IFIH1: variants seen among roughly 807,000 people sequenced by gnomAD.
IFIH1 encodes the protein interferon induced with helicase C domain 1.
IFIH1 carries 125 observed loss-of-function variants against 107.4 expected under a neutral mutation model. That is an observed-to-expected ratio of 1.16 (90% CI 1.01 to 1.35). The LOEUF (loss-of-function observed/expected upper bound fraction) is 1.35. Among genes scored for constraint, IFIH1 ranks in the 40% most tolerant of loss-of-function variants. IFIH1 has a pLI of 0.00. For synonymous variants in IFIH1, 458 were observed against 413.2 expected, an observed-to-expected ratio of 1.11 and a Z score of -1.31; for missense variants, 1,333 against 1,213.7, an observed-to-expected ratio of 1.10 and a Z score of -1.46.
intron 13 of IFIH1, among the ~76,000 whole-genome samples, chr2:162,269,202 A>G (rs1487954047): frequency 6.6e-6 from 1 of 152,218 alleles, no homozygotes; most frequent in African/African-American, 2.4e-5. Context: ...AGTCAATGAC[A>G]TGTAAAAAGC....
chr2:162,267,278 G>A lies in IFIH1; in HGVS notation c.3000C>T (p.Tyr1000=), dbSNP rs151037370. The change falls in exon 16 of 16, where the codon TAC becomes TAT. Residue 1000 remains tyrosine, a synonymous_variant. Coordinates refer to ENST00000649979, the MANE Select transcript of IFIH1 (RefSeq NM_022168.4). ...VFKNNSTKKQ[Y]KKWVELPITF... ...TGATAGGTAATTCTACCCACTTTTT[G>A]TATTGTTTCTTTGTTGAATTATTTT... is the stretch of plus-strand genomic sequence containing the variant. 1.4e-5 allele frequency: 22 copies of A among 1,610,762 alleles called. No homozygotes were observed. The East Asian group carries it at 2.9e-4, about 21-fold the overall frequency.
chr2:162,283,094 G>C (rs891816397), intron 5 of IFIH1, among the ~76,000 whole-genome samples: 3 of 151,842 alleles, frequency 2.0e-5, no homozygotes, highest in Non-Finnish European at 4.4e-5. Context: ...ATCAAGCAGA[G>C]TATTTTACAT....
At chr2:162,295,396 C>T (rs1419942978) in intron 3 of IFIH1, among the ~76,000 whole-genome samples, 1 of 151,840 alleles carries the variant, frequency 6.6e-6, no homozygotes, top group African/African-American at 2.4e-5. Flanking sequence ...CTTTTTATTG[C>T]TGACTAGTAT....
At chr2:162,312,490 G>C (rs968785370) in intron 1 of IFIH1, among the ~76,000 whole-genome samples, 2 of 152,198 alleles carry the variant, frequency 1.3e-5, no homozygotes, top group Non-Finnish European at 2.9e-5. Flanking sequence ...ATCCCAGGCA[G>C]TTGAATTTAG....
chr2:162,305,651 A>G (rs1683269346), intron 3 of IFIH1, among the ~76,000 whole-genome samples: 3 of 152,364 alleles, frequency 2.0e-5, no homozygotes, highest in South Asian at 4.1e-4. Flanking sequence ...GAGTTAGTTT[A>G]TATGGGCTCA....
At chr2:162,301,863 A>G (rs1683198575) in intron 3 of IFIH1, among the ~76,000 whole-genome samples, 1 of 152,240 alleles carries the variant, frequency 6.6e-6, no homozygotes, top group African/African-American at 2.4e-5. Context: ...GCAGAACTAT[A>G]GCATCCAGCA....
rs147801348 is a variant in IFIH1 at position 162,284,571 on chromosome 2, C to T, written c.1096-1995G>A. Among the ~76,000 whole-genome samples, 671 of 151,938 alleles carry T rather than the reference C, an allele frequency of 4.4e-3. 3 individuals are homozygous for T. The highest frequency in any genetic ancestry group is 0.015 in the African/African-American group (624 of 41,480). ...CCAGTGGACTCAGAAGATAAAAGTT[C>T]GTGTCTCATTTCTGCTGTTTCTTGG... On this transcript the variant is annotated intron_variant, in intron 5 of 15. Coordinates refer to ENST00000649979, the MANE Select transcript of IFIH1 (RefSeq NM_022168.4).
At chr2:162,313,351 A>T (rs1330703284) in intron 1 of IFIH1, among the ~76,000 whole-genome samples, 4 of 152,238 alleles carry the variant, frequency 2.6e-5, no homozygotes, top group Non-Finnish European at 5.9e-5. Flanking sequence ...ATTCTCACCC[A>T]TGCCCCTCCC....
At position 162,268,109 on chromosome 2, in the gene IFIH1, C is replaced by T. The variant is rs140562355; in HGVS notation, c.2785G>A (p.Val929Ile). 1,048 of 1,606,164 alleles carry T rather than the reference C, an allele frequency of 6.5e-4. 1 individual carries two copies. The highest frequency in any genetic ancestry group is 5.6e-3 in the African/African-American group (421 of 74,612). Residue 929 changes from valine to isoleucine, a missense_variant, in exon 14 of 16, where the codon GTC becomes ATC. Val to Ile is a conservative substitution (Grantham distance 29). Coordinates refer to ENST00000649979, the MANE Select transcript of IFIH1 (RefSeq NM_022168.4). The stretch of plus-strand genomic sequence containing the variant: ...CACTTGAATTCTGGGGTCATATTGA[C>T]GTGATGCATTTTCTCAATTACATGG... ...DIHVIEKMHH[V>I]NMTPEFKELY...
Position 162,287,529 on chromosome 2 carries a change from T to C in IFIH1, c.1095+606A>G, listed in dbSNP as rs149636816. Among the ~76,000 whole-genome samples the C allele has an allele frequency of 5.1e-4, 77 of 151,946 alleles. No homozygotes were observed. In the East Asian group the frequency reaches 0.013, roughly 26 times the overall value. On this transcript the variant is annotated intron_variant, in intron 5 of 15. Transcript: ENST00000649979. ...AAGATATAAATTATTGAAGGAAAACTTCAGTTGCATTTAATGTAATATGTG... is the reference window on the plus strand; with the variant it reads ...AAGATATAAATTATTGAAGGAAAACCTCAGTTGCATTTAATGTAATATGTG...
Position 162,278,229 on chromosome 2 carries a change from A to G in IFIH1, c.1741T>C (p.Trp581Arg), listed in dbSNP as rs1456856189. 1.5e-5 allele frequency: 24 copies of G among 1,606,204 alleles called. No individual in the cohort carries two copies. The highest frequency in any genetic ancestry group is 2.0e-5 in the Non-Finnish European group (24 of 1,177,464). Residue 581 changes from tryptophan to arginine, a missense_variant, in exon 9 of 16, where the codon TGG (tryptophan) becomes CGG (arginine). Coordinates refer to ENST00000649979, the MANE Select transcript of IFIH1 (RefSeq NM_022168.4). The part of the protein sequence containing the change: ...SDFGTQPYEQ[W>R]AIQMEKKAAK... ...CCTTTTTTTTCCATTTGAATGGCCC[A>G]TTGTTCATAGGGTTGAGTTCCAAAA...
At chr2:162,280,989 A>G (rs1157804894) in intron 7 of IFIH1, among the ~76,000 whole-genome samples, 3 of 152,070 alleles carry the variant, frequency 2.0e-5, no homozygotes, top group Admixed American at 6.6e-5. Flanking sequence ...ATGTGTGACA[A>G]CTAGAAACTT....
chr2:162,315,100 G>GA (rs1284691487), intron 1 of IFIH1, among the ~76,000 whole-genome samples: 1 of 152,108 alleles, frequency 6.6e-6, no homozygotes, highest in Admixed American at 6.5e-5. Context: ...TGGGGAAACA[G>GA]AAAAAGAATG....
At chr2:162,317,767 A>G in intron 1 of IFIH1, 88 bp downstream of exon 1, 2 of 1,055,906 alleles carry the variant, frequency 1.9e-6, no homozygotes, top group Non-Finnish European at 2.8e-6. Context: ...CAAAGAGGTC[A>G]AGCACATTTG....
chr2:162,316,887 A>T (rs1683496898), intron 1 of IFIH1, among the ~76,000 whole-genome samples: 1 of 152,202 alleles, frequency 6.6e-6, no homozygotes, highest in Admixed American at 6.5e-5. Flanking sequence ...CGCCCTGTCA[A>T]AATGCTACCT....
rs1468869782 is a variant in IFIH1 at position 162,314,429 on chromosome 2, TTTC to T, written c.453+3423_453+3425del. On this transcript the variant is annotated intron_variant, in intron 1 of 15. Coordinates refer to ENST00000649979, the MANE Select transcript of IFIH1 (RefSeq NM_022168.4). ...TTTCTTTCTTTCTTTTCTTTCTTTC[TTTC>T]TTTCTTTCTTTCTTTCTTTCTTTCT... Among the ~76,000 whole-genome samples, 27 of 93,066 alleles carry T rather than the reference TTTC, an allele frequency of 2.9e-4. 2 individuals carry two copies. Among genetic ancestry groups the T allele is most frequent in the African/African-American group, 9.0e-4 (14 of 15,478 alleles). The allele number at this position is 93,066 out of a possible 152,430, so 61.1% of individuals were successfully genotyped here. A position where few individuals can be genotyped will look rare whatever the true frequency, so the allele number is the denominator to read the frequency against.
chr2:162,295,900 G>A (rs929347324), intron 3 of IFIH1, among the ~76,000 whole-genome samples: 9 of 151,956 alleles, frequency 5.9e-5, no homozygotes, highest in Non-Finnish European at 1.2e-4. Flanking sequence ...CATTGCAAGA[G>A]TAATTCTAGA....
At chr2:162,272,454 T>C (rs1691061661) in intron 12 of IFIH1, 67 bp from the exon 13 acceptor site, 1 of 1,360,112 alleles carries the variant, frequency 7.4e-7, no homozygotes, top group Non-Finnish European at 1.0e-6. Context: ...TGGTTTTTTC[T>C]GGGAATGATA....
chr2:162,276,544 G>T, intron 11 of IFIH1, 143 bp downstream of exon 11: 1 of 859,014 alleles, frequency 1.2e-6, no homozygotes, highest in Non-Finnish European at 1.7e-6. Context: ...GGTCAAGGGT[G>T]CAGTGAATCT....
Sources: allele counts gnomAD v4.1 joint callset (sites outside exome capture counted in the v4.1 genomes callset), GRCh38; gene constraint gnomAD v4.1.1; transcripts MANE v1.5; gene names NCBI Gene and HGNC (gene_info 2026-07-23, HGNC 2026-07-21).